The following RARG variants were observed in gnomAD, a reference collection of about 807,000 sequenced individuals.
The protein encoded by RARG is RAR-gamma.
RARG carries 17 observed loss-of-function variants against 43.7 expected under a neutral mutation model. That is an observed-to-expected ratio of 0.39 (90% CI 0.27 to 0.58). The LOEUF (loss-of-function observed/expected upper bound fraction) is 0.58. RARG is among the 20% of genes least tolerant of loss of function. The pLI, the probability that RARG is intolerant of heterozygous loss-of-function variation, is 0.57. For synonymous variants in RARG, 238 were observed against 236.4 expected (o/e 1.01, Z -0.06); for missense variants, 346 against 598.7 (o/e 0.58, Z 4.40).
At position 53,213,481 on chromosome 12, in the gene RARG, G is replaced by T; in HGVS notation, c.1018+15C>A. On this transcript the variant is annotated intron_variant, in intron 8 of 9. Coordinates refer to ENST00000425354, the MANE Select transcript of RARG (RefSeq NM_000966.6). This position sits in a 1 kb window ranked among gnomAD's most constrained non-coding sequence, Gnocchi z 4.7. The stretch of plus-strand genomic sequence containing the variant: ...AGACTGAGCACTGAGCAGACGCCAG[G>T]GGGCGCCCCCGCACCTCCGCAGATG... 1 of 1,612,290 alleles carries T rather than the reference G, an allele frequency of 6.2e-7. No individual in the cohort carries two copies. The highest frequency in any genetic ancestry group is 8.5e-7 in the Non-Finnish European group (1 of 1,179,768).
Position 53,227,338 on chromosome 12 carries a change from T to C in RARG, c.184+24A>G, listed in dbSNP as rs773956295. On this transcript the variant is annotated intron_variant, in intron 3 of 9. Coordinates refer to ENST00000425354, the MANE Select transcript of RARG (RefSeq NM_000966.6). The surrounding 1 kb of genome is among the most constrained non-coding windows in gnomAD (Gnocchi z 4.3). ...GCCTTCTTGTTAACATTTGCCTTCA[T>C]TCCCCAAGATCCCTGAGACTCACAC... The C allele has an allele frequency of 1.2e-5, 18 of 1,504,456 alleles. No individual in the cohort carries two copies. Among genetic ancestry groups the C allele is most frequent in the Non-Finnish European group, 1.5e-5 (17 of 1,124,490 alleles). The allele number at this position is 1,504,456 out of a possible 1,614,324, so 93.2% of individuals were successfully genotyped here.
intron 3 of RARG, among the ~76,000 whole-genome samples, chr12:53,223,394 G>A (rs1294515276): frequency 6.6e-6 from 1 of 151,556 alleles, no homozygotes; most frequent in African/African-American, 2.4e-5. Flanking sequence ...AGCGAGGTGT[G>A]AATGAGAGTG....
At position 53,213,148 on chromosome 12, in the gene RARG, G is replaced by C; in HGVS notation, c.1114C>G (p.Gln372Glu). The change falls in exon 9 of 10, where the codon CAG (glutamine) becomes GAG (glutamate). Residue 372 changes from glutamine to glutamate, a missense_variant. This residue lies in a region of RARG where 25 missense variants were observed against 23.0 expected (regional missense o/e 1.09). Coordinates refer to ENST00000425354, the MANE Select transcript of RARG (RefSeq NM_000966.6). The surrounding 1 kb of genome is among the most constrained non-coding windows in gnomAD (Gnocchi z 4.7). ...RLYARRRRPS[Q>E]PYMFPRMLMK... ...AGCATCCTTGGGAACATGTAGGGCTGGCTGGGCCGCCGGCGCCGGGCGTAC... is the reference window on the plus strand; with the variant it reads ...AGCATCCTTGGGAACATGTAGGGCTCGCTGGGCCGCCGGCGCCGGGCGTAC... 1 of 1,614,226 alleles carries C rather than the reference G, an allele frequency of 6.2e-7. No individual in the cohort carries two copies. The highest frequency in any genetic ancestry group is 8.5e-7 in the Non-Finnish European group (1 of 1,180,018).
intron 2 of RARG, among the ~76,000 whole-genome samples, chr12:53,230,956 A>G (rs1178884407): frequency 6.6e-6 from 1 of 151,060 alleles, no homozygotes; most frequent in Non-Finnish European, 1.5e-5. Flanking sequence ...TCTTCTCTCT[A>G]CTTGCCTCAA....
chr12:53,221,374 C>T (rs979463479), intron 3 of RARG, among the ~76,000 whole-genome samples: 7 of 152,186 alleles, frequency 4.6e-5, no homozygotes, highest in African/African-American at 1.7e-4. Flanking sequence ...GCCTGCCGTG[C>T]CAACTGCGCC....
intron 3 of RARG, among the ~76,000 whole-genome samples, chr12:53,218,026 C>T (rs1209717997): frequency 6.6e-6 from 1 of 152,130 alleles, no homozygotes; most frequent in Non-Finnish European, 1.5e-5. Flanking sequence ...CACAGACACA[C>T]AGCCAGAATA....
rs920290379 is a variant in RARG, at chr12:53,213,980, A to G, written c.813+79T>C. 4 of 1,481,210 alleles carry G rather than the reference A, an allele frequency of 2.7e-6. No homozygotes were observed. Among genetic ancestry groups the G allele is most frequent in the East Asian group, 2.3e-5 (1 of 44,046 alleles). The allele number at this position is 1,481,210 out of a possible 1,614,324, so 91.8% of individuals were successfully genotyped here. A position where few individuals can be genotyped will look rare whatever the true frequency, so the allele number is the denominator to read the frequency against. On this transcript the variant is annotated intron_variant, in intron 7 of 9. Transcript: ENST00000425354. The surrounding 1 kb of genome is among the most constrained non-coding windows in gnomAD (Gnocchi z 4.7). ...GTGGCAGGGGGTGCAGGGTAAGGAA[A>G]TCTTTGCATGGATCAAGGAATTGTT...
chr12:53,219,484 C>A (rs939037353), intron 3 of RARG, among the ~76,000 whole-genome samples: 1 of 152,218 alleles, frequency 6.6e-6, no homozygotes, highest in Non-Finnish European at 1.5e-5. Flanking sequence ...CTGTCGCAGG[C>A]GACACTGGTG....
rs752205790 is a variant in RARG, at chr12:53,215,801, G to A, written c.185-7C>T. The A allele has an allele frequency of 5.6e-6, 9 of 1,594,802 alleles. No individual in the cohort carries two copies. Among genetic ancestry groups the A allele is most frequent in the Non-Finnish European group, 6.8e-6 (8 of 1,169,334 alleles). On this transcript the variant is annotated splice_region_variant and splice_polypyrimidine_tract_variant and intron_variant, in intron 3 of 9. Coordinates refer to ENST00000425354, the MANE Select transcript of RARG (RefSeq NM_000966.6). This position sits in a 1 kb window ranked among gnomAD's most constrained non-coding sequence, Gnocchi z 6.4. Reference sequence around the variant, plus strand: ...GTGCTCTGTGTCTCCACCGCTGGGAGGGAAGCAGTGATGTGAGGGTCAGGG... The same window carrying A: ...GTGCTCTGTGTCTCCACCGCTGGGAAGGAAGCAGTGATGTGAGGGTCAGGG...
chr12:53,227,499 G>T lies in RARG; in HGVS notation c.47C>A (p.Pro16His). 1 of 1,604,438 alleles carries T rather than the reference G, an allele frequency of 6.2e-7. No homozygotes were observed. The highest frequency in any genetic ancestry group is 1.1e-5 in the South Asian group (1 of 89,788). Residue 16 changes from proline to histidine, a missense_variant, in exon 3 of 10, where the codon CCT (proline) becomes CAT (histidine). Pro to His is a moderately conservative substitution (Grantham distance 77). Transcript: ENST00000425354. The surrounding 1 kb of genome is among the most constrained non-coding windows in gnomAD (Gnocchi z 4.3). ...ERLFAAGALG[P>H]GSGYPGAGFP... is the part of the protein sequence containing the mutation. ...ACCTGCCCCTGGGTAGCCAGATCCA[G>T]GCCCCAGGGCACCAGCCGCAAAGAG...
chr12:53,222,153 C>A (rs1027015771), intron 3 of RARG, among the ~76,000 whole-genome samples: 2 of 151,710 alleles, frequency 1.3e-5, no homozygotes, highest in Non-Finnish European at 2.9e-5. Context: ...CCAGTGTAAA[C>A]TCCCTTCTCC....
In RARG at chr12:53,213,254, A is replaced by G. The variant is rs946354217; in HGVS notation, c.1019-11T>C. 1.2e-5 allele frequency: 19 copies of G among 1,559,226 alleles called. No homozygotes were observed. The highest frequency in any genetic ancestry group is 1.6e-5 in the Non-Finnish European group (18 of 1,131,820). On this transcript the variant is annotated splice_polypyrimidine_tract_variant and intron_variant, in intron 8 of 9. Transcript: ENST00000425354. The surrounding 1 kb of genome is among the most constrained non-coding windows in gnomAD (Gnocchi z 4.7). ...CCAGGTCCATGCGGTCTATGGGGACAAGTATACTGGAGTGAGAGGGGAAGG... is the reference window on the plus strand; with the variant it reads ...CCAGGTCCATGCGGTCTATGGGGACGAGTATACTGGAGTGAGAGGGGAAGG...
chr12:53,216,850 G>A (rs999872239), intron 3 of RARG, among the ~76,000 whole-genome samples: 11 of 119,354 alleles, frequency 9.2e-5, no homozygotes, highest in African/African-American at 1.9e-4. Context: ...GTGCGCGCGC[G>A]CGCGCGCGCG....
chr12:53,223,523 G>GCCCC (rs139275762), intron 3 of RARG, among the ~76,000 whole-genome samples: 11 of 103,690 alleles, frequency 1.1e-4, no homozygotes, highest in South Asian at 7.0e-4. Flanking sequence ...GGCTCCCCCC[G>GCCCC]CCCCCCCCCC....
intron 3 of RARG, among the ~76,000 whole-genome samples, chr12:53,217,158 C>A (rs1284630058): frequency 6.6e-6 from 1 of 151,978 alleles, no homozygotes; most frequent in Non-Finnish European, 1.5e-5. Flanking sequence ...AACACACATA[C>A]AATCAATTAG....
chr12:53,220,441 T>C, intron 3 of RARG: 1 of 769,626 alleles, frequency 1.3e-6, no homozygotes, highest in Non-Finnish European at 1.8e-6. Flanking sequence ...GGCACCGAGA[T>C]GAGCAAAGCT....
intron 3 of RARG, among the ~76,000 whole-genome samples, chr12:53,225,434 ACACT>A (rs1943083645): frequency 6.6e-6 from 1 of 151,594 alleles, no homozygotes; most frequent in South Asian, 2.1e-4. Flanking sequence ...GAGGCACCAC[ACACT>A]CACCCCTTCT....
intron 9 of RARG, among the ~76,000 whole-genome samples, chr12:53,212,485 T>G (rs1354095679): frequency 6.6e-6 from 1 of 152,204 alleles, no homozygotes; most frequent in Non-Finnish European, 1.5e-5. Flanking sequence ...CAGGCTGGAC[T>G]GCAGTGGCTA....
At chr12:53,218,853 G>C (rs1292586604) in intron 3 of RARG, among the ~76,000 whole-genome samples, 3 of 50,664 alleles carry the variant, frequency 5.9e-5, no homozygotes, top group South Asian at 6.4e-4. Context: ...CCTCATCCCC[G>C]GGCCGTCCGC....
Sources: allele counts gnomAD v4.1 joint callset (sites outside exome capture counted in the v4.1 genomes callset), GRCh38; gene constraint gnomAD v4.1.1; regional missense constraint gnomAD v4.1.1; non-coding constraint Gnocchi (gnomAD v3.1); transcripts MANE v1.5; gene names NCBI Gene and HGNC (gene_info 2026-07-23, HGNC 2026-07-21).